Variants in SLIT2 observed in about 807,000 individuals in gnomAD.
SLIT2 encodes the protein slit homolog 2 protein.
SLIT2 carries 41 observed loss-of-function variants against 185.7 expected under a neutral mutation model. The observed-to-expected ratio is 0.22, with a 90% CI of 0.17 to 0.29. The LOEUF (loss-of-function observed/expected upper bound fraction) is 0.29. Ranked by LOEUF, SLIT2 falls within the 10% of genes least tolerant of loss-of-function variation. The probability of loss-of-function intolerance (pLI) is 1.00; values close to 1 mark genes in which losing one functional copy is unlikely to be tolerated. For missense variants in SLIT2, 1,571 were observed against 1,909.0 expected, an observed-to-expected ratio of 0.82 and a Z score of 3.30; for synonymous variants, 693 against 680.2, an observed-to-expected ratio of 1.02 and a Z score of -0.29.
chr4:20,382,328 C>G (rs1266797704), intron 4 of SLIT2, among the ~76,000 whole-genome samples: 10 of 152,054 alleles, frequency 6.6e-5, no homozygotes, highest in Non-Finnish European at 8.8e-5. Context: ...TAGCATTTTT[C>G]CAGATGTCCT....
intron 34 of SLIT2, among the ~76,000 whole-genome samples, chr4:20,613,196 G>A (rs1457365342): frequency 6.6e-6 from 1 of 152,090 alleles, no homozygotes; most frequent in Non-Finnish European, 1.5e-5. Context: ...TAAAGACACA[G>A]GCATGCATAT....
At chr4:20,379,608 T>C in intron 4 of SLIT2, among the ~76,000 whole-genome samples, 1 of 152,150 alleles carries the variant, frequency 6.6e-6, no homozygotes, top group East Asian at 1.9e-4. Context: ...AGACCTGCCT[T>C]TGACTATTTT....
At position 20,338,721 on chromosome 4, in the gene SLIT2, T is replaced by A. The variant is rs544277955; in HGVS notation, c.395+69840T>A. Among the ~76,000 whole-genome samples the A allele has an allele frequency of 2.0e-4, 30 of 152,256 alleles. No homozygotes were observed. In the South Asian group the frequency reaches 5.0e-3, roughly 25 times the overall value. On this transcript the variant is annotated intron_variant, in intron 4 of 36. Transcript: ENST00000504154. ...CTGCTGGGAGACAGCAGGGAGGGGT[T>A]CTTTTATTATATACACAATCTCTTC...
chr4:20,285,197 G>A (rs768089154), intron 4 of SLIT2, among the ~76,000 whole-genome samples: 1 of 152,170 alleles, frequency 6.6e-6, no homozygotes, highest in African/African-American at 2.4e-5. Context: ...ATGCAGAACT[G>A]TATCATAAGA....
chr4:20,396,609 G>T (rs931353030), intron 4 of SLIT2, among the ~76,000 whole-genome samples: 1 of 151,566 alleles, frequency 6.6e-6, no homozygotes, highest in African/African-American at 2.4e-5. Context: ...ATACCCCAGG[G>T]AGAGGCAGGG....
chr4:20,443,230 C>T (rs577343977), intron 4 of SLIT2, among the ~76,000 whole-genome samples: 1 of 152,136 alleles, frequency 6.6e-6, no homozygotes, highest in African/African-American at 2.4e-5. Context: ...ATTTACTTTG[C>T]CTCATAAAAA....
At chr4:20,464,264 TC>T (rs1440072803) in intron 4 of SLIT2, among the ~76,000 whole-genome samples, 1 of 152,164 alleles carries the variant, frequency 6.6e-6, no homozygotes, top group Non-Finnish European at 1.5e-5. Context: ...CATGTATCTG[TC>T]CTAAATTCCA....
At chr4:20,584,221 A>G (rs1726854052) in intron 29 of SLIT2, among the ~76,000 whole-genome samples, 1 of 152,250 alleles carries the variant, frequency 6.6e-6, no homozygotes, top group Non-Finnish European at 1.5e-5. Flanking sequence ...ACAATAAAAT[A>G]GTTCTGCAAC....
At chr4:20,409,692 T>C (rs1236757437) in intron 4 of SLIT2, among the ~76,000 whole-genome samples, 4 of 152,240 alleles carry the variant, frequency 2.6e-5, no homozygotes, top group African/African-American at 9.6e-5. Context: ...CCATCAACAA[T>C]GTAAAACCAT....
chr4:20,319,572 A>G (rs1718875983), intron 4 of SLIT2, among the ~76,000 whole-genome samples: 1 of 152,168 alleles, frequency 6.6e-6, no homozygotes, highest in Non-Finnish European at 1.5e-5. Flanking sequence ...GTTTGGAATT[A>G]TATTTATTTG....
At chr4:20,505,305 A>G (rs936855463) in intron 9 of SLIT2, among the ~76,000 whole-genome samples, 3 of 152,090 alleles carry the variant, frequency 2.0e-5, no homozygotes, top group African/African-American at 7.2e-5. Context: ...AATTTAGTCC[A>G]TGTCTATATA....
intron 4 of SLIT2, among the ~76,000 whole-genome samples, chr4:20,383,257 C>A (rs1409152631): frequency 1.3e-5 from 2 of 152,106 alleles, no homozygotes; most frequent in African/African-American, 4.8e-5. Context: ...CATTCGTCCT[C>A]TCCAAAAGAC....
At chr4:20,461,250 A>G (rs1713676155) in intron 4 of SLIT2, among the ~76,000 whole-genome samples, 1 of 152,228 alleles carries the variant, frequency 6.6e-6, no homozygotes, top group Non-Finnish European at 1.5e-5. Flanking sequence ...AAGGAGAATT[A>G]AGAGCATGAA....
chr4:20,561,460 G>T (rs1724685552), intron 26 of SLIT2, among the ~76,000 whole-genome samples: 1 of 151,704 alleles, frequency 6.6e-6, no homozygotes, highest in Admixed American at 6.6e-5. Flanking sequence ...CTTTTGTTCT[G>T]TGTCTTAAAA....
intron 8 of SLIT2, chr4:20,490,680 A>G: frequency 4.4e-6 from 3 of 682,272 alleles, no homozygotes; most frequent in Non-Finnish European, 7.3e-6. Flanking sequence ...AAATTTTTGT[A>G]TAATATCATG....
At position 20,610,031 on chromosome 4, in the gene SLIT2, T is replaced by C. The variant is rs776884598; in HGVS notation, c.3711T>C (p.Asp1237=). ...SAIYSVETIN[D]GNFHIVELLA... ...GTTGTAGTGTGGAGACAATCAATGA[T>C]GGAAACTTCCACATTGTGGAACTAC... is the stretch of plus-strand genomic sequence containing the variant. The change falls in exon 34 of 37, where the codon GAT becomes GAC. Residue 1237 remains aspartate (D), a synonymous_variant. Transcript: ENST00000504154. The C allele has an allele frequency of 1.1e-5, 18 of 1,612,980 alleles. No homozygotes were observed. Among genetic ancestry groups the C allele is most frequent in the Non-Finnish European group, 1.3e-5 (15 of 1,179,520 alleles).
At chr4:20,454,524 A>G (rs1041079212) in intron 4 of SLIT2, among the ~76,000 whole-genome samples, 1 of 152,206 alleles carries the variant, frequency 6.6e-6, no homozygotes, top group African/African-American at 2.4e-5. Flanking sequence ...ATACTCATTT[A>G]TCATTACTCA....
At chr4:20,615,177 G>A (rs971687565) in intron 34 of SLIT2, 1 of 152,196 alleles carries the variant, frequency 6.6e-6, no homozygotes, top group African/African-American at 2.4e-5. Flanking sequence ...GATGGATATG[G>A]TTAAATTAGA....
At position 20,253,109 on chromosome 4, in the gene SLIT2, C is replaced by A. The variant is rs576883684; in HGVS notation, c.-707C>A. Among the ~76,000 whole-genome samples the A allele has an allele frequency of 6.6e-6, 1 of 152,272 alleles. No homozygotes were observed. On this transcript the variant is annotated 5_prime_UTR_variant, in exon 1 of 37. Transcript: ENST00000504154. ...AGCGAAGTGCATGTGTGTTTGTAAA[C>A]CATCGTTGGCTGTCGGGAGACCGCG...
Sources: gnomAD v4.1 joint callset for allele counts (sites outside exome capture counted in the v4.1 genomes callset) on GRCh38, gnomAD v4.1.1 for gene constraint, MANE v1.5 for transcripts, NCBI Gene and HGNC (gene_info 2026-07-23, HGNC 2026-07-21) for gene names.